The following ZFHX3 variants were observed in gnomAD, a reference collection of about 807,000 sequenced individuals.
ZFHX3 encodes the protein zinc finger homeobox protein 3.
Under a neutral mutation model 279.1 loss-of-function variants are expected in ZFHX3, and 42 were observed. The ratio of observed to expected loss-of-function variants is 0.15; its 90% CI spans 0.12 to 0.19. The LOEUF (loss-of-function observed/expected upper bound fraction) is 0.19, where lower values mean the gene tolerates loss of function less well. ZFHX3 is among the 10% of genes least tolerant of loss of function. The pLI, the probability that ZFHX3 is intolerant of heterozygous loss-of-function variation, is 1.00. For missense variants in ZFHX3, 4,981 were observed against 4,754.0 expected, an observed-to-expected ratio of 1.05 and a Z score of -1.40; for synonymous variants, 2,293 against 1,957.8, an observed-to-expected ratio of 1.17 and a Z score of -4.52.
chr16:73,096,409 A>AT (rs59309655), intron 7 of ZFHX3, among the ~76,000 whole-genome samples: 3,909 of 144,426 alleles, frequency 0.027, 166 homozygotes, highest in African/African-American at 0.091. Flanking sequence ...GAACTTCTTT[A>AT]TTTTTTTTTT....
At chr16:72,790,586 A>G (rs1271695454) in intron 9 of ZFHX3, 1 of 152,226 alleles carries the variant, frequency 6.6e-6, no homozygotes, top group African/African-American at 2.4e-5. Context: ...TCCCAGACAA[A>G]CAGCTGTTAA....
intron 2 of ZFHX3, among the ~76,000 whole-genome samples, chr16:73,654,891 C>A (rs1239096936): frequency 8.3e-6 from 1 of 119,822 alleles, no homozygotes; most frequent in Non-Finnish European, 1.6e-5. Context: ...GACAGAGTCT[C>A]ACTGTGTCGC....
intron 1 of ZFHX3, among the ~76,000 whole-genome samples, chr16:72,994,042 T>C (rs2144578090): frequency 6.6e-6 from 1 of 152,180 alleles, no homozygotes; most frequent in African/African-American, 2.4e-5. Context: ...TATTAACCTC[T>C]CCCCGCTACA....
intron 5 of ZFHX3, 68 bp from the exon 6 acceptor site, chr16:72,812,106 G>A (rs1233300038): frequency 6.5e-7 from 1 of 1,549,248 alleles, no homozygotes; most frequent in South Asian, 1.2e-5. Context: ...GTTTGTGTTG[G>A]GTGAAAATCA....
intron 4 of ZFHX3, among the ~76,000 whole-genome samples, chr16:73,272,701 T>C (rs1282467100): frequency 1.3e-5 from 2 of 152,150 alleles, no homozygotes; most frequent in Non-Finnish European, 2.9e-5. Flanking sequence ...AATATCAATA[T>C]TGTAAAAATA....
chr16:73,324,231 C>A (rs1013959180), intron 3 of ZFHX3, among the ~76,000 whole-genome samples: 1 of 152,178 alleles, frequency 6.6e-6, no homozygotes, highest in African/African-American at 2.4e-5. Context: ...TGTGATATTG[C>A]TGGATTGTTT....
intron 2 of ZFHX3, among the ~76,000 whole-genome samples, chr16:73,575,948 C>T (rs1418597714): frequency 6.6e-6 from 1 of 152,134 alleles, no homozygotes; most frequent in Non-Finnish European, 1.5e-5. Context: ...GGGAGATGTA[C>T]ACACAAAATG....
intron 1 of ZFHX3, among the ~76,000 whole-genome samples, chr16:73,047,246 A>T (rs990116018): frequency 6.6e-6 from 1 of 152,138 alleles, no homozygotes; most frequent in Admixed American, 6.5e-5. Flanking sequence ...AAGGAAATAA[A>T]TGCTCTGACT....
At chr16:73,194,244 G>A (rs1225065294) in intron 5 of ZFHX3, among the ~76,000 whole-genome samples, 1 of 152,042 alleles carries the variant, frequency 6.6e-6, no homozygotes, top group Non-Finnish European at 1.5e-5. Flanking sequence ...TTGTCACCCA[G>A]GCTGGAGTGC....
At chr16:73,716,535 G>C (rs2053415896) in intron 1 of ZFHX3, among the ~76,000 whole-genome samples, 1 of 152,136 alleles carries the variant, frequency 6.6e-6, no homozygotes, top group Admixed American at 6.5e-5. Flanking sequence ...CTCAAGGACA[G>C]ATGGAAGGAT....
At chr16:72,992,655 C>T (rs1013245399) in intron 1 of ZFHX3, among the ~76,000 whole-genome samples, 1 of 152,170 alleles carries the variant, frequency 6.6e-6, no homozygotes, top group Non-Finnish European at 1.5e-5. Flanking sequence ...ATTAAAGTGG[C>T]ACCCATGTAA....
chr16:73,231,083 G>A (rs2012757700), intron 5 of ZFHX3, among the ~76,000 whole-genome samples: 2 of 152,164 alleles, frequency 1.3e-5, no homozygotes, highest in Admixed American at 6.5e-5. Context: ...GAGATGAAAG[G>A]AGCCGAGACC....
chr16:73,293,766 G>A (rs2014832741), intron 4 of ZFHX3: 1 of 152,170 alleles, frequency 6.6e-6, no homozygotes, highest in Admixed American at 6.5e-5. Context: ...CACGGAGGTG[G>A]GTAATAAGAA....
At chr16:73,001,661 T>TA (rs34986346) in intron 1 of ZFHX3, among the ~76,000 whole-genome samples, 1,569 of 151,654 alleles carry the variant, frequency 0.01, 28 homozygotes, top group African/African-American at 0.036. Flanking sequence ...AAATTTTTTT[T>TA]AAAAAAAGGT....
upstream of ZFHX3, among the ~76,000 whole-genome samples, chr16:73,051,361 G>A (rs925832692): frequency 6.6e-6 from 1 of 152,200 alleles, no homozygotes; most frequent in African/African-American, 2.4e-5. Context: ...GTTATATTTA[G>A]GGGCCTGGTA....
chr16:73,481,265 G>A (rs1435175962), intron 2 of ZFHX3, among the ~76,000 whole-genome samples: 1 of 151,680 alleles, frequency 6.6e-6, no homozygotes, highest in Non-Finnish European at 1.5e-5. Context: ...GGAGGTGGAG[G>A]CTGCAGTGAG....
At chr16:73,434,313 G>A (rs1044152788) in intron 3 of ZFHX3, among the ~76,000 whole-genome samples, 5 of 152,210 alleles carry the variant, frequency 3.3e-5, no homozygotes, top group African/African-American at 1.2e-4. Context: ...GATGAAAGGT[G>A]AACGGGAGGT....
rs148070062 is a variant in ZFHX3, at chr16:73,251,378, G to A, written c.-1104+5669C>T. 4.1e-3 allele frequency among the ~76,000 whole-genome samples: 619 copies of A among 152,284 alleles called. 1 individual carries two copies. The highest frequency in any genetic ancestry group is 0.013 in the African/African-American group (528 of 41,552). On this transcript the variant is annotated intron_variant, in intron 5 of 17. Transcript: ENST00000641206. ...GATGATAATGACAACAGCGAGCACGGAGCACTGTTAGGGGCCAAGCGTGGC... is the reference window on the plus strand; with the variant it reads ...GATGATAATGACAACAGCGAGCACGAAGCACTGTTAGGGGCCAAGCGTGGC...
At chr16:73,700,964 G>A (rs773359827) in intron 1 of ZFHX3, among the ~76,000 whole-genome samples, 7 of 152,128 alleles carry the variant, frequency 4.6e-5, no homozygotes, top group Admixed American at 6.6e-5. Context: ...CTTGTGAAAG[G>A]TCTTTTTTTT....
Sources: allele counts gnomAD v4.1 joint callset (sites outside exome capture counted in the v4.1 genomes callset), GRCh38; gene constraint gnomAD v4.1.1; transcripts MANE v1.5; gene names NCBI Gene and HGNC (gene_info 2026-07-23, HGNC 2026-07-21).